Variants in SPAG16 observed in about 807,000 individuals in gnomAD.
SPAG16 encodes sperm-associated antigen 16 protein.
Under a neutral mutation model 80.4 loss-of-function variants are expected in SPAG16, and 86 were observed. The ratio of observed to expected loss-of-function variants is 1.07; its 90% CI spans 0.90 to 1.28. The LOEUF is 1.28. SPAG16 is among the 50% of genes most tolerant of loss of function. The pLI, the probability that SPAG16 is intolerant of heterozygous loss-of-function variation, is 0.00. For missense variants in SPAG16, 870 were observed against 765.3 expected, an observed-to-expected ratio of 1.14 and a Z score of -1.61; for synonymous variants, 294 against 265.9, an observed-to-expected ratio of 1.11 and a Z score of -1.03.
At chr2:213,514,112 G>C (rs769873560) in intron 10 of SPAG16, among the ~76,000 whole-genome samples, 1 of 152,060 alleles carries the variant, frequency 6.6e-6, no homozygotes, top group Non-Finnish European at 1.5e-5. Flanking sequence ...TTGAAAAGAT[G>C]GAGTGCCCAA....
intron 15 of SPAG16, among the ~76,000 whole-genome samples, chr2:214,350,635 G>T (rs1324308642): frequency 6.6e-6 from 1 of 152,146 alleles, no homozygotes; most frequent in East Asian, 1.9e-4. Context: ...TGAAGCAATG[G>T]TGTGTATTTC....
chr2:214,258,587 G>A (rs1690894589), intron 15 of SPAG16, among the ~76,000 whole-genome samples: 1 of 151,622 alleles, frequency 6.6e-6, no homozygotes, highest in Admixed American at 6.6e-5. Context: ...CAATTGTGAA[G>A]TGTGCTGCTG....
chr2:213,709,699 T>A (rs75754016), intron 10 of SPAG16, among the ~76,000 whole-genome samples: 10,110 of 152,146 alleles, frequency 0.066, 1,055 homozygotes, highest in African/African-American at 0.22. Context: ...TAAAAAAACA[T>A]GGAGAATATA....
At chr2:214,327,874 G>A (rs1044074664) in intron 15 of SPAG16, among the ~76,000 whole-genome samples, 3 of 152,122 alleles carry the variant, frequency 2.0e-5, no homozygotes, top group Non-Finnish European at 1.5e-5. Flanking sequence ...TTGTTGGCCT[G>A]CAGGGGAATT....
intron 10 of SPAG16, among the ~76,000 whole-genome samples, chr2:213,615,505 C>T (rs1011048038): frequency 6.6e-6 from 1 of 152,120 alleles, no homozygotes; most frequent in Non-Finnish European, 1.5e-5. Context: ...GCAGGAAAAT[C>T]GCTTGAACCT....
At chr2:214,383,204 G>A (rs79372452) in intron 15 of SPAG16, among the ~76,000 whole-genome samples, 7,632 of 152,188 alleles carry the variant, frequency 0.05, 617 homozygotes, top group African/African-American at 0.17. Context: ...CTGGAAAGAG[G>A]TTCTGATACT....
chr2:214,367,449 A>G (rs1241844028), intron 15 of SPAG16, among the ~76,000 whole-genome samples: 1 of 152,196 alleles, frequency 6.6e-6, no homozygotes, highest in Non-Finnish European at 1.5e-5. Context: ...AAGAAACTCT[A>G]CATCAAACTT....
chr2:213,447,826 T>C (rs2071429014), intron 9 of SPAG16, among the ~76,000 whole-genome samples: 1 of 152,236 alleles, frequency 6.6e-6, no homozygotes, highest in Non-Finnish European at 1.5e-5. Context: ...TCAGGAAAAG[T>C]ATAATGTTGG....
At chr2:213,524,805 A>T (rs1330676100) in intron 10 of SPAG16, among the ~76,000 whole-genome samples, 1 of 152,204 alleles carries the variant, frequency 6.6e-6, no homozygotes, top group Non-Finnish European at 1.5e-5. Flanking sequence ...TTACAGGCTC[A>T]TGGTTGGAAG....
rs550125960 is a variant in SPAG16 at position 213,903,463 on chromosome 2, C to G, written c.1215-26497C>G. Among the ~76,000 whole-genome samples, 25 of 152,306 alleles carry G rather than the reference C, an allele frequency of 1.6e-4. No individual in the cohort carries two copies. In the South Asian group the frequency reaches 5.0e-3, roughly 30 times the overall value. On this transcript the variant is annotated intron_variant, in intron 11 of 15. Transcript: ENST00000331683. The stretch of plus-strand genomic sequence containing the variant: ...CACCCTCTGCAAGCCATGGCCCAAG[C>G]TCTACGTTGGCCCCTTTCATCCGCA...
chr2:213,545,707 T>C (rs2076589852), intron 10 of SPAG16, among the ~76,000 whole-genome samples: 1 of 152,134 alleles, frequency 6.6e-6, no homozygotes, highest in Non-Finnish European at 1.5e-5. Context: ...TTCCTGTTTT[T>C]TTATGTGGGA....
intron 9 of SPAG16, among the ~76,000 whole-genome samples, chr2:213,413,386 A>G (rs1233238496): frequency 6.6e-6 from 1 of 152,150 alleles, no homozygotes; most frequent in Non-Finnish European, 1.5e-5. Context: ...TACAAAGGTC[A>G]TAGTTTTATA....
At chr2:214,139,765 C>T (rs1412020495) in intron 14 of SPAG16, among the ~76,000 whole-genome samples, 2 of 152,108 alleles carry the variant, frequency 1.3e-5, no homozygotes, top group African/African-American at 4.8e-5. Flanking sequence ...TTAAATAGGG[C>T]TTTTTTGAGG....
rs200431722 is a variant in SPAG16, at chr2:213,883,220, T to C, written c.1214+20592T>C. 5.9e-5 allele frequency among the ~76,000 whole-genome samples: 9 copies of C among 152,352 alleles called. No individual in the cohort carries two copies. The East Asian group carries it at 1.2e-3, about 20-fold the overall frequency. Reference sequence around the variant, plus strand: ...TTGGTATTTGTTTGCCTATTTTAATTAATTTCAATACTTTTTTATTTTTGC... The same window carrying C: ...TTGGTATTTGTTTGCCTATTTTAATCAATTTCAATACTTTTTTATTTTTGC... On this transcript the variant is annotated intron_variant, in intron 11 of 15. Transcript: ENST00000331683.
At chr2:213,604,417 T>C (rs1272349813) in intron 10 of SPAG16, among the ~76,000 whole-genome samples, 1 of 152,196 alleles carries the variant, frequency 6.6e-6, no homozygotes, top group Non-Finnish European at 1.5e-5. Context: ...TGTATATTTT[T>C]TACTTTTGCT....
At chr2:213,823,628 C>T (rs1395721924) in intron 10 of SPAG16, among the ~76,000 whole-genome samples, 1 of 152,072 alleles carries the variant, frequency 6.6e-6, no homozygotes, top group Non-Finnish European at 1.5e-5. Flanking sequence ...CCAAAGTGCT[C>T]AGATTACAGG....
At chr2:214,168,814 C>T (rs543964950) in intron 15 of SPAG16, among the ~76,000 whole-genome samples, 4 of 152,150 alleles carry the variant, frequency 2.6e-5, no homozygotes, top group South Asian at 2.1e-4. Flanking sequence ...ACAAACCCCC[C>T]GGGTAGGTTC....
At chr2:214,211,432 T>C (rs2058290334) in intron 15 of SPAG16, among the ~76,000 whole-genome samples, 1 of 152,202 alleles carries the variant, frequency 6.6e-6, no homozygotes, top group South Asian at 2.1e-4. Context: ...TCAGGATCTT[T>C]TCAGAATGAA....
chr2:214,170,454 A>T (rs2056835479), intron 15 of SPAG16, among the ~76,000 whole-genome samples: 1 of 151,964 alleles, frequency 6.6e-6, no homozygotes, highest in African/African-American at 2.4e-5. Flanking sequence ...GGTCATCATA[A>T]CCTCATTTTC....
Sources: allele counts gnomAD v4.1 joint callset (sites outside exome capture counted in the v4.1 genomes callset), GRCh38; gene constraint gnomAD v4.1.1; transcripts MANE v1.5; gene names NCBI Gene and HGNC (gene_info 2026-07-23, HGNC 2026-07-21).